Variants in GSS observed in about 807,000 individuals in gnomAD.
GSS encodes glutathione synthetase.
GSS carries 34 observed loss-of-function variants against 60.4 expected under a neutral mutation model. The observed-to-expected ratio is 0.56, with a 90% CI of 0.43 to 0.75. GSS has a LOEUF of 0.75. Ranked by LOEUF, GSS falls within the 30% of genes least tolerant of loss-of-function variation. The pLI, the probability that GSS is intolerant of heterozygous loss-of-function variation, is 0.00. For missense variants in GSS, 499 were observed against 595.1 expected, an observed-to-expected ratio of 0.84 and a Z score of 1.68; for synonymous variants, 224 against 239.0, an observed-to-expected ratio of 0.94 and a Z score of 0.58.
intron 4 of GSS, 117 bp from the exon 5 acceptor site, chr20:34,942,744 TC>T (rs1420227799): frequency 9.2e-7 from 1 of 1,090,222 alleles, no homozygotes; most frequent in Admixed American, 1.9e-5. Flanking sequence ...CAGCAAACAC[TC>T]CCAAGCCCAG....
intron 9 of GSS, among the ~76,000 whole-genome samples, chr20:34,932,807 T>C (rs1272234953): frequency 1.3e-5 from 2 of 151,578 alleles, no homozygotes; most frequent in African/African-American, 4.8e-5. Flanking sequence ...CACACAAACA[T>C]ACACACACAA....
intron 1 of GSS, among the ~76,000 whole-genome samples, chr20:34,953,531 T>TTTTCCC (rs567758110): frequency 1.3e-5 from 2 of 151,594 alleles, no homozygotes; most frequent in African/African-American, 4.8e-5. Flanking sequence ...CCTTCCTTCC[T>TTTTCCC]TTTCCCTTTC....
In GSS at chr20:34,928,749, TAGG is replaced by T. The variant is rs1288133075; in HGVS notation, c.*76_*78del. 13 of 1,534,028 alleles carry T rather than the reference TAGG, an allele frequency of 8.5e-6. No individual in the cohort carries two copies. The highest frequency in any genetic ancestry group is 1.2e-5 in the Non-Finnish European group (13 of 1,109,508). ...CTTCCATAAAAACTTTGGAGGTCTT[TAGG>T]AGGATACCCCTCAGGAGGGCTAGGA... On this transcript the variant is annotated 3_prime_UTR_variant, in exon 13 of 13. Coordinates refer to ENST00000651619, the MANE Select transcript of GSS (RefSeq NM_000178.4).
rs1162836799 is a variant in GSS, at chr20:34,928,785, G to A, written c.*43C>T. ...CCCTCAGGAGGGCTAGGAGAGGAAT[G>A]ACAAATACAGAGGATAGAAGGTCCC... On this transcript the variant is annotated 3_prime_UTR_variant, in exon 13 of 13. Transcript: ENST00000651619. 5 of 1,612,504 alleles carry A rather than the reference G, an allele frequency of 3.1e-6. No individual in the cohort carries two copies. In the Admixed American group the frequency reaches 8.3e-5, roughly 27 times the overall value.
At chr20:34,938,928 G>A (rs2081462149) in intron 6 of GSS, among the ~76,000 whole-genome samples, 1 of 152,062 alleles carries the variant, frequency 6.6e-6, no homozygotes, top group Non-Finnish European at 1.5e-5. Context: ...CTTGGGCCCT[G>A]GTTTTCCCAT....
chr20:34,944,364 G>A (rs1171701994), intron 3 of GSS, among the ~76,000 whole-genome samples: 1 of 152,196 alleles, frequency 6.6e-6, no homozygotes, highest in Non-Finnish European at 1.5e-5. Context: ...CACAATCCAG[G>A]ATTGCAGGTA....
chr20:34,930,134 C>T (rs531265980), intron 11 of GSS, among the ~76,000 whole-genome samples: 66 of 152,004 alleles, frequency 4.3e-4, no homozygotes, highest in South Asian at 2.9e-3. Flanking sequence ...GGTGTGGTGG[C>T]GCACACCTGT....
chr20:34,929,052 C>T, intron 12 of GSS, 101 bp from the exon 13 acceptor site: 1 of 1,413,104 alleles, frequency 7.1e-7, no homozygotes, highest in South Asian at 1.2e-5. Flanking sequence ...ACTGTCTATA[C>T]CAAGAAAGTG....
At chr20:34,942,856 T>C in intron 4 of GSS, 75 bp downstream of exon 4, 1 of 1,174,340 alleles carries the variant, frequency 8.5e-7, no homozygotes, top group Non-Finnish European at 1.3e-6. Context: ...TGGACCAAAT[T>C]CTTCAAGCAA....
intron 2 of GSS, chr20:34,946,778 T>A (rs919273148): frequency 6.6e-6 from 1 of 152,184 alleles, no homozygotes; most frequent in African/African-American, 2.4e-5. Flanking sequence ...CAGGAGTGTT[T>A]TTTCCACCAA....
chr20:34,951,879 A>C lies in GSS; in HGVS notation c.-8-19T>G, dbSNP rs940284132. The C allele has an allele frequency of 6.2e-7, 1 of 1,613,294 alleles. No individual in the cohort carries two copies. The highest frequency in any genetic ancestry group is 8.5e-7 in the Non-Finnish European group (1 of 1,179,990). On this transcript the variant is annotated intron_variant, in intron 1 of 12. Coordinates refer to ENST00000651619, the MANE Select transcript of GSS (RefSeq NM_000178.4). ...CCAACACCTGCAAAAGATGGAGAGA[A>C]GAGAGTTGGTAACAGATGGCCTGAA...
chr20:34,941,820 G>T lies in GSS; in HGVS notation c.501C>A (p.Leu167=). Residue 167 remains leucine (L), a synonymous_variant, in exon 6 of 13, where the codon CTC becomes CTA. Transcript: ENST00000651619. The part of the protein sequence containing the change: ...SRTPAVHRHV[L]SVLSKTKEAG... ...CTTCTTTGGTCTTACTCAGGACACTGAGAACATGTCTGTTGGAAGAGAGAT... is the reference window on the plus strand; with the variant it reads ...CTTCTTTGGTCTTACTCAGGACACTTAGAACATGTCTGTTGGAAGAGAGAT... 1 of 1,588,380 alleles carries T rather than the reference G, an allele frequency of 6.3e-7. No homozygotes were observed. The highest frequency in any genetic ancestry group is 1.1e-5 in the South Asian group (1 of 90,486).
intron 11 of GSS, among the ~76,000 whole-genome samples, chr20:34,930,264 CAAA>C (rs34585562): frequency 0.015 from 1,936 of 130,630 alleles, 37 homozygotes; most frequent in African/African-American, 0.052. Flanking sequence ...GAATCCGTCT[CAAA>C]AAAAAAAAAA....
At chr20:34,950,924 AT>A (rs1377573216) in intron 2 of GSS, among the ~76,000 whole-genome samples, 1 of 151,992 alleles carries the variant, frequency 6.6e-6, no homozygotes, top group East Asian at 1.9e-4. Flanking sequence ...AAAAGATTTT[AT>A]TTTTTTATTT....
At chr20:34,935,244 GGCAGGAAAAAAAATGGTCA>G (rs757309392) in intron 9 of GSS, among the ~76,000 whole-genome samples, 7 of 152,092 alleles carry the variant, frequency 4.6e-5, no homozygotes, top group African/African-American at 9.7e-5. Context: ...GGTAAGAGTT[GGCAGGAAAAAAAATGGTCA>G]GCAGTATGCT....
intron 2 of GSS, among the ~76,000 whole-genome samples, 198 bp from the exon 3 acceptor site, chr20:34,946,296 C>A (rs532715733): frequency 2.6e-5 from 4 of 152,048 alleles, no homozygotes; most frequent in African/African-American, 9.7e-5. Flanking sequence ...TTTATCTCTA[C>A]GTATTGAAGA....
intron 8 of GSS, 49 bp downstream of exon 8, chr20:34,936,714 G>T: frequency 2.4e-6 from 3 of 1,238,948 alleles, no homozygotes; most frequent in South Asian, 1.2e-5. Flanking sequence ...GAGGGTGGCA[G>T]GATGAGTTTC....
At chr20:34,941,354 CAAA>C (rs11349896) in intron 6 of GSS, among the ~76,000 whole-genome samples, 4,969 of 118,688 alleles carry the variant, frequency 0.042, 269 homozygotes, top group African/African-American at 0.14. Flanking sequence ...GACTCTGTCT[CAAA>C]AAAAAAAAAA....
intron 6 of GSS, among the ~76,000 whole-genome samples, chr20:34,937,439 T>TA (rs2081448974): frequency 6.6e-6 from 1 of 152,164 alleles, no homozygotes; most frequent in Admixed American, 6.5e-5. Flanking sequence ...GAACATTTTG[T>TA]AAAAGAACAA....
Sources: gnomAD v4.1 joint callset for allele counts (sites outside exome capture counted in the v4.1 genomes callset) on GRCh38, gnomAD v4.1.1 for gene constraint, MANE v1.5 for transcripts, NCBI Gene and HGNC (gene_info 2026-07-23, HGNC 2026-07-21) for gene names.